Variants in ADAMTS18 observed in about 807,000 individuals in gnomAD.
ADAMTS18 encodes A disintegrin and metalloproteinase with thrombospondin motifs 18.
ADAMTS18 carries 157 observed loss-of-function variants against 165.9 expected under a neutral mutation model. The ratio of observed to expected loss-of-function variants is 0.95; its 90% CI spans 0.83 to 1.08. ADAMTS18 has a LOEUF of 1.08. ADAMTS18 is among the 50% of genes least tolerant of loss of function. ADAMTS18 has a pLI of 0.00. For missense variants in ADAMTS18, 2,040 were observed against 1,534.0 expected (o/e 1.33, Z -5.51); for synonymous variants, 782 against 578.2 (o/e 1.35, Z -5.06).
intron 10 of ADAMTS18, among the ~76,000 whole-genome samples, chr16:77,348,548 A>G (rs2056510443): frequency 6.6e-6 from 1 of 152,220 alleles, no homozygotes; most frequent in Non-Finnish European, 1.5e-5. Flanking sequence ...TCAATCAGGT[A>G]AGTCACTCCT....
intron 16 of ADAMTS18, among the ~76,000 whole-genome samples, chr16:77,314,612 CAA>C (rs111779903): frequency 4.7e-4 from 41 of 87,300 alleles, no homozygotes; most frequent in Admixed American, 8.8e-4. Context: ...AACTCTGTCT[CAA>C]AAAAAAAAAA....
rs116027767 is a variant in ADAMTS18 at position 77,298,741 on chromosome 16, G to A, written c.2675-1326C>T. ...CCAGAGGTCGAGGCAGCAGTGAGCC[G>A]TAATTGTGCTACTGCATTCCAGCCT... On this transcript the variant is annotated intron_variant, in intron 17 of 22. Transcript: ENST00000282849. Among the ~76,000 whole-genome samples the A allele has an allele frequency of 2.6e-3, 388 of 151,820 alleles. 1 individual carries two copies. The highest frequency in any genetic ancestry group is 9.0e-3 in the African/African-American group (371 of 41,072).
At chr16:77,359,588 T>C (rs1255565037) in intron 7 of ADAMTS18, among the ~76,000 whole-genome samples, 165 bp from the exon 8 acceptor site, 1 of 151,934 alleles carries the variant, frequency 6.6e-6, no homozygotes, top group Non-Finnish European at 1.5e-5. Flanking sequence ...CTTTGTCCTG[T>C]GTAATGATAA....
chr16:77,376,461 G>T (rs866976726), intron 3 of ADAMTS18, among the ~76,000 whole-genome samples: 1 of 152,240 alleles, frequency 6.6e-6, no homozygotes, highest in Middle Eastern at 3.4e-3. Flanking sequence ...AAGGTTGATG[G>T]TGGTGGAAGA....
chr16:77,406,930 G>A (rs149583047), intron 3 of ADAMTS18, among the ~76,000 whole-genome samples: 267 of 152,132 alleles, frequency 1.8e-3, no homozygotes, highest in African/African-American at 5.0e-3. Flanking sequence ...AGACACTGGG[G>A]ATTACTAGAA....
At chr16:77,415,288 T>C (rs2057515840) in intron 3 of ADAMTS18, among the ~76,000 whole-genome samples, 1 of 152,212 alleles carries the variant, frequency 6.6e-6, no homozygotes, top group Non-Finnish European at 1.5e-5. Flanking sequence ...CTATAACTCA[T>C]TCATTTCTAT....
At chr16:77,407,246 C>T (rs1488187856) in intron 3 of ADAMTS18, among the ~76,000 whole-genome samples, 1 of 151,992 alleles carries the variant, frequency 6.6e-6, no homozygotes, top group Non-Finnish European at 1.5e-5. Context: ...TTTTAAATAG[C>T]ATAAAAATAT....
rs552812258 is a variant in ADAMTS18, at chr16:77,427,589, G to GC, written c.495+3705dup. ...TCCTAGCACCTTCACAGATTATAAG[G>GC]CCACCTGGTATAAAAAACAGGGGTG... On this transcript the variant is annotated intron_variant, in intron 3 of 22. Transcript: ENST00000282849. 1.6e-3 allele frequency among the ~76,000 whole-genome samples: 250 copies of GC among 152,260 alleles called. 2 individuals are homozygous for GC. The highest frequency in any genetic ancestry group is 5.4e-3 in the African/African-American group (223 of 41,550).
chr16:77,398,362 G>C (rs2057285646), intron 3 of ADAMTS18, among the ~76,000 whole-genome samples: 1 of 151,584 alleles, frequency 6.6e-6, no homozygotes, highest in Admixed American at 6.6e-5. Context: ...TAAATAAAGA[G>C]AGAAAGAGAA....
intron 12 of ADAMTS18, among the ~76,000 whole-genome samples, chr16:77,333,654 T>A (rs181065312): frequency 6.6e-6 from 1 of 151,464 alleles, no homozygotes; most frequent in African/African-American, 2.4e-5. Context: ...CATGTTCAAT[T>A]CAGCATTATT....
chr16:77,346,591 A>G (rs1315365322), intron 10 of ADAMTS18, among the ~76,000 whole-genome samples: 1 of 152,192 alleles, frequency 6.6e-6, no homozygotes, highest in Non-Finnish European at 1.5e-5. Flanking sequence ...AAGTATGACT[A>G]TCTCCTCAAC....
intron 10 of ADAMTS18, among the ~76,000 whole-genome samples, chr16:77,352,066 A>G (rs551144481): frequency 8.3e-4 from 127 of 152,320 alleles, no homozygotes; most frequent in African/African-American, 2.9e-3. Context: ...GCTCACCAGC[A>G]TTTCTGAAAG....
chr16:77,354,450 T>G (rs1446254126), intron 9 of ADAMTS18, among the ~76,000 whole-genome samples: 2 of 151,972 alleles, frequency 1.3e-5, no homozygotes, highest in Non-Finnish European at 2.9e-5. Context: ...GCAGAAAAAT[T>G]TCCTTCAGAT....
At chr16:77,332,664 A>G (rs576231053) in intron 12 of ADAMTS18, among the ~76,000 whole-genome samples, 4 of 152,144 alleles carry the variant, frequency 2.6e-5, no homozygotes, top group South Asian at 2.1e-4. Context: ...TACATCTCAC[A>G]CATGTTTCAT....
At position 77,282,206 on chromosome 16, in the gene ADAMTS18, C is replaced by G. The variant is rs2055158917; in HGVS notation, c.*1750G>C. 6.6e-6 allele frequency: 1 copy of G among 151,958 alleles called. No individual in the cohort carries two copies. The highest frequency in any genetic ancestry group is 2.4e-5 in the African/African-American group (1 of 41,386). 9.4% of individuals were successfully genotyped at this position (151,958 alleles called of 1,614,324 possible). On this transcript the variant is annotated 3_prime_UTR_variant, in exon 23 of 23. Coordinates refer to ENST00000282849, the MANE Select transcript of ADAMTS18 (RefSeq NM_199355.4). ...ATTACACATATATTTTGACTTTTCT[C>G]TATAATCCATGGTTTTATTCAACAT... is the stretch of plus-strand genomic sequence containing the variant.
intron 3 of ADAMTS18, among the ~76,000 whole-genome samples, chr16:77,384,992 C>G (rs973977424): frequency 1.3e-5 from 2 of 151,890 alleles, no homozygotes; most frequent in Non-Finnish European, 2.9e-5. Context: ...TCACTGCAAC[C>G]TCCGCTTCCC....
At chr16:77,390,959 G>A (rs1354219541) in intron 3 of ADAMTS18, among the ~76,000 whole-genome samples, 1 of 152,136 alleles carries the variant, frequency 6.6e-6, no homozygotes, top group African/African-American at 2.4e-5. Flanking sequence ...GCAAATTATT[G>A]CCAAATATGT....
At chr16:77,382,315 A>T (rs907711434) in intron 3 of ADAMTS18, among the ~76,000 whole-genome samples, 5 of 152,040 alleles carry the variant, frequency 3.3e-5, no homozygotes, top group Non-Finnish European at 5.9e-5. Flanking sequence ...GGTTCATGCC[A>T]TTCTCCTGCC....
At chr16:77,292,742 G>C (rs565458378) in intron 20 of ADAMTS18, among the ~76,000 whole-genome samples, 5 of 152,308 alleles carry the variant, frequency 3.3e-5, no homozygotes, top group Admixed American at 3.3e-4. Context: ...CAGGCATTTG[G>C]TATCAATGTG....
Sources: allele counts gnomAD v4.1 joint callset (sites outside exome capture counted in the v4.1 genomes callset), GRCh38; gene constraint gnomAD v4.1.1; transcripts MANE v1.5; gene names NCBI Gene and HGNC (gene_info 2026-07-23, HGNC 2026-07-21).